ZBTB7C: variants seen among roughly 807,000 people sequenced by gnomAD.
ZBTB7C encodes the protein zinc finger and BTB domain containing 7C.
ZBTB7C carries 8 observed loss-of-function variants against 25.7 expected under a neutral mutation model. The ratio of observed to expected loss-of-function variants is 0.31; its 90% confidence interval spans 0.18 to 0.56. ZBTB7C has a LOEUF of 0.56. Among genes scored for constraint, ZBTB7C ranks in the 20% least tolerant of loss-of-function variants. ZBTB7C has a pLI of 0.91. For missense variants in ZBTB7C, 824 were observed against 855.2 expected, an observed-to-expected ratio of 0.96 and a Z score of 0.46; for synonymous variants, 394 against 369.0, an observed-to-expected ratio of 1.07 and a Z score of -0.78.
At chr18:48,032,475 C>T (rs529332467) in intron 4 of ZBTB7C, among the ~76,000 whole-genome samples, 168 of 137,370 alleles carry the variant, frequency 1.2e-3, no homozygotes, top group African/African-American at 4.3e-3. Context: ...CGCTCTGTCA[C>T]CCAGGCTGGA....
intron 3 of ZBTB7C, among the ~76,000 whole-genome samples, chr18:48,066,119 G>A (rs995426984): frequency 6.6e-6 from 1 of 152,144 alleles, no homozygotes; most frequent in Non-Finnish European, 1.5e-5. Context: ...CCTAACCTTC[G>A]GCTTCCATGC....
chr18:48,187,904 G>C (rs974733908), intron 2 of ZBTB7C, among the ~76,000 whole-genome samples: 1 of 150,552 alleles, frequency 6.6e-6, no homozygotes, highest in Admixed American at 6.6e-5. Context: ...AGGAGTTATT[G>C]TTTAATGGGG....
At position 48,235,758 on chromosome 18, in the gene ZBTB7C, T is replaced by C. The variant is rs548819603; in HGVS notation, c.-78-49763A>G. On this transcript the variant is annotated intron_variant, in intron 2 of 4. Transcript: ENST00000590800. ...ACCCCCCGCCTCAGCACTTTGAAGATGTCTTCTAGCTGCCAAAGTTGCTGC... is the reference window on the plus strand; with the variant it reads ...ACCCCCCGCCTCAGCACTTTGAAGACGTCTTCTAGCTGCCAAAGTTGCTGC... Among the ~76,000 whole-genome samples, 10 of 152,326 alleles carry C rather than the reference T, an allele frequency of 6.6e-5. 1 individual carries two copies. In the South Asian group the frequency reaches 2.1e-3, roughly 32 times the overall value.
Position 48,040,025 on chromosome 18 carries a change from C to T in ZBTB7C, c.1083G>A (p.Lys361=), listed in dbSNP as rs770237311. The T allele has an allele frequency of 1.2e-6, 2 of 1,614,142 alleles. No individual in the cohort carries two copies. Among genetic ancestry groups the T allele is most frequent in the East Asian group, 2.2e-5 (1 of 44,868 alleles). Residue 361 remains lysine, a synonymous_variant, in exon 4 of 5, where the codon AAG becomes AAA. Transcript: ENST00000590800. ...PLVEERKLKP[K]ASQQCPICHK... is the part of the protein sequence containing the mutation. The stretch of plus-strand genomic sequence containing the variant: ...GGCAGATGGGGCACTGCTGAGAGGC[C>T]TTGGGCTTCAGCTTGCGCTCTTCTA...
At chr18:48,263,954 G>A (rs143643090) in intron 2 of ZBTB7C, among the ~76,000 whole-genome samples, 115 of 152,170 alleles carry the variant, frequency 7.6e-4, no homozygotes, top group African/African-American at 2.4e-3. Flanking sequence ...ATTTGTAAAC[G>A]GCTAGTGACA....
At chr18:48,229,140 G>A (rs1319020178) in intron 2 of ZBTB7C, among the ~76,000 whole-genome samples, 1 of 152,062 alleles carries the variant, frequency 6.6e-6, no homozygotes, top group Non-Finnish European at 1.5e-5. Flanking sequence ...CCCCTGCCAC[G>A]TGCCCGCCCA....
At chr18:48,061,155 C>T (rs926228801) in intron 3 of ZBTB7C, among the ~76,000 whole-genome samples, 1 of 152,160 alleles carries the variant, frequency 6.6e-6, no homozygotes, top group African/African-American at 2.4e-5. Context: ...ACGAATGGAC[C>T]TTCATCATGA....
rs547427571 is a variant in ZBTB7C, at chr18:48,324,546, G to A, written c.-79+13628C>T. On this transcript the variant is annotated intron_variant, in intron 2 of 4. Coordinates refer to ENST00000590800, the MANE Select transcript of ZBTB7C (RefSeq NM_001318841.2). ...TCACATGTAGAAACCCTAATCCCTA[G>A]GGTGATGGGATTAGGGCCTATGGGA... Among the ~76,000 whole-genome samples the A allele has an allele frequency of 3.9e-5, 6 of 152,076 alleles. No homozygotes were observed. The South Asian group carries it at 8.3e-4, about 21-fold the overall frequency.
intron 2 of ZBTB7C, among the ~76,000 whole-genome samples, chr18:48,265,200 AT>A (rs1375529835): frequency 6.6e-6 from 1 of 152,138 alleles, no homozygotes; most frequent in African/African-American, 2.4e-5. Flanking sequence ...TCCACTAGTA[AT>A]TTTCTAACTC....
chr18:48,373,540 C>T (rs551162638), intron 1 of ZBTB7C, among the ~76,000 whole-genome samples: 1 of 152,048 alleles, frequency 6.6e-6, no homozygotes, highest in African/African-American at 2.4e-5. Context: ...AATTGTAATC[C>T]CCATGCTGGA....
chr18:48,175,441 A>G (rs1408117644), intron 3 of ZBTB7C, among the ~76,000 whole-genome samples: 2 of 152,254 alleles, frequency 1.3e-5, no homozygotes, highest in Non-Finnish European at 2.9e-5. Flanking sequence ...ACCATGTAGA[A>G]ATGGATTGGA....
intron 2 of ZBTB7C, among the ~76,000 whole-genome samples, chr18:48,296,819 A>G (rs1006024146): frequency 7.7e-4 from 117 of 151,992 alleles, no homozygotes; most frequent in African/African-American, 2.7e-3. Context: ...CTTTCAGATC[A>G]GCAGAGCCAT....
intron 3 of ZBTB7C, among the ~76,000 whole-genome samples, chr18:48,171,028 C>A (rs1394867118): frequency 6.6e-6 from 1 of 152,218 alleles, no homozygotes; most frequent in Non-Finnish European, 1.5e-5. Flanking sequence ...CAGCCACCTA[C>A]CTGAAAGTGG....
chr18:48,132,643 T>C lies in ZBTB7C; in HGVS notation c.-17+53291A>G, dbSNP rs950692338. On this transcript the variant is annotated intron_variant, in intron 3 of 4. Transcript: ENST00000590800. ...GAAACAAAACAAACATTAGAAAAGT[T>C]TCTGTTGTTTAAGTTCTGCTTAATA... Among the ~76,000 whole-genome samples the C allele has an allele frequency of 9.9e-5, 15 of 152,214 alleles. 1 individual carries two copies. Among genetic ancestry groups the C allele is most frequent in the African/African-American group, 3.6e-4 (15 of 41,454 alleles).
chr18:48,054,873 G>A (rs952178367), intron 3 of ZBTB7C, among the ~76,000 whole-genome samples: 2 of 152,094 alleles, frequency 1.3e-5, no homozygotes, highest in Non-Finnish European at 2.9e-5. Flanking sequence ...TGGCTGTTTG[G>A]TTCCCTTTCC....
chr18:48,119,345 GCCAGTGCAGGCGCAACC>G lies in ZBTB7C; in HGVS notation c.-17+66572_-17+66588del, dbSNP rs372755416. 8.6e-3 allele frequency among the ~76,000 whole-genome samples: 1,315 copies of G among 152,358 alleles called. 12 individuals are homozygous for G. The highest frequency in any genetic ancestry group is 0.027 in the African/African-American group (1,110 of 41,580). On this transcript the variant is annotated intron_variant, in intron 3 of 4. Transcript: ENST00000590800. ...AGGTGAGAAGGAGCCAGAACATCAA[GCCAGTGCAGGCGCAACC>G]CCAGCGCAGGCGCAAGCCCAGTGCA...
intron 1 of ZBTB7C, among the ~76,000 whole-genome samples, chr18:48,373,973 A>AG (rs57261918): frequency 5.5e-4 from 82 of 149,530 alleles, no homozygotes; most frequent in Non-Finnish European, 9.8e-4. Flanking sequence ...AAAAAAAAAA[A>AG]GCATGTGGCA....
In ZBTB7C at chr18:48,039,947, G is replaced by A. The variant is rs756025297; in HGVS notation, c.1161C>T (p.Thr387=). 2.2e-5 allele frequency: 35 copies of A among 1,613,848 alleles called. No homozygotes were observed. The highest frequency in any genetic ancestry group is 1.6e-4 in the Middle Eastern group (1 of 6,062). The change falls in exon 4 of 5, where the codon ACC becomes ACT. Residue 387 remains threonine (T), a synonymous_variant. Coordinates refer to ENST00000590800, the MANE Select transcript of ZBTB7C (RefSeq NM_001318841.2). ...GKLPRHMRTH[T]GEKPYMCTIC... ...TGGTGCACATGTATGGCTTCTCCCC[G>A]GTATGGGTCCTCATGTGCCGCGGCA...
chr18:48,214,373 A>G (rs768203940), intron 2 of ZBTB7C, among the ~76,000 whole-genome samples: 1 of 152,168 alleles, frequency 6.6e-6, no homozygotes, highest in African/African-American at 2.4e-5. Context: ...GGTCCCTCAT[A>G]TGATGGAATC....
Sources: allele counts gnomAD v4.1 joint callset (sites outside exome capture counted in the v4.1 genomes callset), GRCh38; gene constraint gnomAD v4.1.1; transcripts MANE v1.5; gene names NCBI Gene and HGNC (gene_info 2026-07-23, HGNC 2026-07-21).